THSD4: variants seen among roughly 807,000 people sequenced by gnomAD.
THSD4 encodes the protein thrombospondin type 1 domain containing 4.
THSD4 carries 69 observed loss-of-function variants against 119.0 expected under a neutral mutation model. The observed-to-expected ratio is 0.58, with a 90% CI of 0.48 to 0.71. The LOEUF (loss-of-function observed/expected upper bound fraction) is 0.71, where lower values mean the gene tolerates loss of function less well. Among genes scored for constraint, THSD4 ranks in the 30% least tolerant of loss-of-function variants. The probability of loss-of-function intolerance (pLI) is 0.00; values close to 1 mark genes in which losing one functional copy is unlikely to be tolerated. For synonymous variants in THSD4, 524 were observed against 540.4 expected (o/e 0.97, Z 0.42); for missense variants, 1,393 against 1,391.1 (o/e 1.00, Z -0.02).
chr15:71,208,910 G>A (rs2043867225), intron 3 of THSD4, among the ~76,000 whole-genome samples: 1 of 152,112 alleles, frequency 6.6e-6, no homozygotes, highest in Non-Finnish European at 1.5e-5. Context: ...AATGAGGAGG[G>A]GGATATCAGG....
intron 17 of THSD4, among the ~76,000 whole-genome samples, chr15:71,776,427 T>A (rs1403954777): frequency 6.6e-6 from 1 of 152,152 alleles, no homozygotes; most frequent in Non-Finnish European, 1.5e-5. Flanking sequence ...GAAAAGCAAT[T>A]CACAGAAAAG....
chr15:71,378,554 A>G (rs1272150558), intron 6 of THSD4, among the ~76,000 whole-genome samples: 1 of 152,246 alleles, frequency 6.6e-6, no homozygotes, highest in Non-Finnish European at 1.5e-5. Context: ...GAACACAGGT[A>G]GGAAAACAAT....
chr15:71,548,526 C>T (rs2048875082), intron 7 of THSD4, among the ~76,000 whole-genome samples: 1 of 152,198 alleles, frequency 6.6e-6, no homozygotes, highest in Non-Finnish European at 1.5e-5. Flanking sequence ...GCTTGTTGCT[C>T]TGTTCAAAAC....
intron 6 of THSD4, among the ~76,000 whole-genome samples, chr15:71,279,778 C>T (rs2044630533): frequency 1.4e-5 from 1 of 70,560 alleles, no homozygotes; most frequent in South Asian, 5.6e-4. Flanking sequence ...TGTACTTTTT[C>T]CCCTTTAAAA....
chr15:71,200,160 T>C (rs937741338), intron 3 of THSD4, among the ~76,000 whole-genome samples: 1 of 152,144 alleles, frequency 6.6e-6, no homozygotes, highest in Non-Finnish European at 1.5e-5. Context: ...CCTTTCATTT[T>C]TGTGACTCTT....
At chr15:71,373,393 G>A (rs918722577) in intron 6 of THSD4, among the ~76,000 whole-genome samples, 5 of 151,886 alleles carry the variant, frequency 3.3e-5, no homozygotes, top group African/African-American at 1.2e-4. Flanking sequence ...ATTGGGTGCC[G>A]AGTTCTCTGG....
rs2046763601 is a variant in THSD4, at chr15:71,416,726, G to GTTTTA, written c.1152+4907_1152+4908insATTTT. ...ATTTTATTTTATTTTGTTTTGTTTT[G>GTTTTA]TTTTGTTTTGTTTTGTTTTGTTTTA... is the stretch of plus-strand genomic sequence containing the variant. On this transcript the variant is annotated intron_variant, in intron 7 of 17. Coordinates refer to ENST00000261862, the MANE Select transcript of THSD4 (RefSeq NM_024817.3). Among the ~76,000 whole-genome samples the GTTTTA allele has an allele frequency of 1.2e-4, 9 of 77,296 alleles. 1 individual carries two copies. The highest frequency in any genetic ancestry group is 3.9e-4 in the South Asian group (1 of 2,550). The allele number at this position is 77,296 out of a possible 152,430, so 50.7% of individuals were successfully genotyped here.
rs117927956 is a variant in THSD4, at chr15:71,189,994, T to C, written c.100-25041T>C. Among the ~76,000 whole-genome samples the C allele has an allele frequency of 3.9e-4, 59 of 152,242 alleles. No individual in the cohort carries two copies. The East Asian group carries it at 0.01, about 27-fold the overall frequency. On this transcript the variant is annotated intron_variant, in intron 3 of 17. Transcript: ENST00000261862. Reference sequence around the variant, plus strand: ...TGGAAGGCTCCTGGACTCTGCATGCTCAGATGGTTTGAGTCTATTTTGTGG... The same window carrying C: ...TGGAAGGCTCCTGGACTCTGCATGCCCAGATGGTTTGAGTCTATTTTGTGG...
chr15:71,187,973 G>A (rs541471696), intron 3 of THSD4, among the ~76,000 whole-genome samples: 1 of 152,204 alleles, frequency 6.6e-6, no homozygotes, highest in Admixed American at 6.5e-5. Context: ...GCTTTGTCTG[G>A]GACAATCATT....
At chr15:71,512,686 T>C (rs2140761499) in intron 7 of THSD4, among the ~76,000 whole-genome samples, 1 of 152,338 alleles carries the variant, frequency 6.6e-6, no homozygotes, top group African/African-American at 2.4e-5. Flanking sequence ...CATTAAACAA[T>C]TGTTTATTTT....
chr15:71,414,091 A>G (rs1394735961), intron 7 of THSD4, among the ~76,000 whole-genome samples: 3 of 152,226 alleles, frequency 2.0e-5, no homozygotes, highest in African/African-American at 2.4e-5. Flanking sequence ...GGTTCAAGTC[A>G]TGCCTCTTCC....
chr15:71,543,680 G>A (rs1177484137), intron 7 of THSD4, among the ~76,000 whole-genome samples: 4 of 152,198 alleles, frequency 2.6e-5, no homozygotes, highest in African/African-American at 7.2e-5. Flanking sequence ...TAGGCAACTG[G>A]GTATATCGAC....
At chr15:71,545,712 G>T (rs1299307941) in intron 7 of THSD4, among the ~76,000 whole-genome samples, 1 of 152,148 alleles carries the variant, frequency 6.6e-6, no homozygotes, top group African/African-American at 2.4e-5. Flanking sequence ...TGACTAAGAA[G>T]GAGGAAGAGG....
At chr15:71,484,178 T>C (rs1352667860) in intron 7 of THSD4, among the ~76,000 whole-genome samples, 1 of 152,212 alleles carries the variant, frequency 6.6e-6, no homozygotes, top group Non-Finnish European at 1.5e-5. Flanking sequence ...GGAATATTTT[T>C]CTATGAAATT....
intron 7 of THSD4, among the ~76,000 whole-genome samples, chr15:71,464,410 T>TC (rs1414766346): frequency 5.3e-5 from 8 of 152,266 alleles, no homozygotes; most frequent in African/African-American, 1.9e-4. Context: ...ACTCTTTTTT[T>TC]CTCCCTGACT....
At chr15:71,385,322 G>T (rs1033496904) in intron 6 of THSD4, among the ~76,000 whole-genome samples, 2 of 152,200 alleles carry the variant, frequency 1.3e-5, no homozygotes, top group African/African-American at 2.4e-5. Flanking sequence ...CTGGTTGCCT[G>T]GTGTTCCTGG....
At chr15:71,436,443 C>T (rs531758162) in intron 7 of THSD4, among the ~76,000 whole-genome samples, 11 of 152,246 alleles carry the variant, frequency 7.2e-5, no homozygotes, top group Non-Finnish European at 1.6e-4. Context: ...GAAAATGAGA[C>T]AGTTATTTTT....
intron 7 of THSD4, 143 bp from the exon 8 acceptor site, chr15:71,660,387 G>C: frequency 2.2e-6 from 2 of 904,074 alleles, no homozygotes; most frequent in Non-Finnish European, 3.4e-6. Flanking sequence ...CTGGTTTACC[G>C]TCTGTGGCTC....
At chr15:71,274,200 T>C (rs185441231) in intron 6 of THSD4, among the ~76,000 whole-genome samples, 2 of 152,306 alleles carry the variant, frequency 1.3e-5, no homozygotes, top group East Asian at 3.9e-4. Context: ...CAAAAATGAT[T>C]GGTGTCTGTG....
Sources: gnomAD v4.1 joint callset for allele counts (sites outside exome capture counted in the v4.1 genomes callset) on GRCh38, gnomAD v4.1.1 for gene constraint, MANE v1.5 for transcripts, NCBI Gene and HGNC (gene_info 2026-07-23, HGNC 2026-07-21) for gene names.